The following FBXO4 variants were observed in gnomAD, a reference collection of about 807,000 sequenced individuals.
FBXO4 encodes the protein F-box protein 4, also known as F-box only protein 4.
In FBXO4, 36 loss-of-function variants were observed where a neutral mutation model predicts 43.7. The ratio of observed to expected loss-of-function variants is 0.82; its 90% CI spans 0.63 to 1.09. The LOEUF (loss-of-function observed/expected upper bound fraction) is 1.09, where lower values mean the gene tolerates loss of function less well. Ranked by LOEUF, FBXO4 falls within the 50% of genes least tolerant of loss-of-function variation. FBXO4 has a pLI of 0.00. For missense variants in FBXO4, 435 were observed against 474.1 expected (o/e 0.92, Z 0.77); for synonymous variants, 180 against 165.6 (o/e 1.09, Z -0.67).
At chr5:42,034,033 T>C in the FBXO4 span, among the ~76,000 whole-genome samples, 1 of 152,136 alleles carries the variant, frequency 6.6e-6, no homozygotes, top group Non-Finnish European at 1.5e-5. Context: ...TCTATTGTTT[T>C]TGACTTTTTA....
At chr5:41,973,127 A>G in the FBXO4 span, among the ~76,000 whole-genome samples, 1 of 152,314 alleles carries the variant, frequency 6.6e-6, no homozygotes, top group Non-Finnish European at 1.5e-5. Context: ...TCAGCAAAGT[A>G]AACAGACAAC....
the FBXO4 span, among the ~76,000 whole-genome samples, chr5:41,997,471 C>T: frequency 1.3e-5 from 2 of 152,156 alleles, no homozygotes; most frequent in Admixed American, 1.3e-4. Flanking sequence ...CCTTTCCCAC[C>T]ATAATAGCCC....
the FBXO4 span, among the ~76,000 whole-genome samples, chr5:41,973,446 G>T: frequency 6.6e-6 from 1 of 152,164 alleles, no homozygotes; most frequent in African/African-American, 2.4e-5. Flanking sequence ...GAATGGTGAG[G>T]CGAGAGGATT....
At chr5:41,929,612 G>C in intron 2 of FBXO4, 85 bp from the exon 3 acceptor site, 8 of 949,082 alleles carry the variant, frequency 8.4e-6, no homozygotes. Context: ...ATTGTGTCTA[G>C]CAAGTACTCA....
At chr5:42,015,308 G>A in the FBXO4 span, among the ~76,000 whole-genome samples, 8 of 152,180 alleles carry the variant, frequency 5.3e-5, no homozygotes, top group South Asian at 2.1e-4. Context: ...ACGCACATGC[G>A]CTTCAAACTG....
intron 5 of FBXO4, chr5:41,935,180 A>G (rs1056103479): frequency 2.0e-6 from 2 of 975,678 alleles, no homozygotes; most frequent in Admixed American, 1.2e-4. Flanking sequence ...CCCTACTTTT[A>G]TCTAGTTTTC....
the FBXO4 span, among the ~76,000 whole-genome samples, chr5:41,985,757 C>T: frequency 1.3e-5 from 2 of 152,078 alleles, no homozygotes; most frequent in African/African-American, 4.8e-5. Flanking sequence ...TGAAAACTAA[C>T]CCAGCTCATT....
downstream of FBXO4, among the ~76,000 whole-genome samples, chr5:41,945,211 G>C (rs940182402): frequency 6.6e-6 from 1 of 152,094 alleles, no homozygotes; most frequent in African/African-American, 2.4e-5. Flanking sequence ...ACTATGTAAA[G>C]GAATACTATG....
At chr5:41,955,791 G>A in the FBXO4 span, among the ~76,000 whole-genome samples, 2 of 152,084 alleles carry the variant, frequency 1.3e-5, no homozygotes, top group Non-Finnish European at 2.9e-5. Context: ...AGAACCACCA[G>A]AAAGAATGAA....
chr5:41,957,428 G>A, the FBXO4 span, among the ~76,000 whole-genome samples: 9 of 146,854 alleles, frequency 6.1e-5, 1 homozygote, highest in Admixed American at 5.4e-4. Context: ...TATATAATAC[G>A]ATTTCTATAA....
the FBXO4 span, among the ~76,000 whole-genome samples, chr5:41,996,919 G>T: frequency 1.3e-5 from 2 of 152,182 alleles, no homozygotes; most frequent in Non-Finnish European, 2.9e-5. Flanking sequence ...GCTACTTCTT[G>T]CTCACTGGAT....
intron 1 of FBXO4, among the ~76,000 whole-genome samples, chr5:41,926,369 C>T (rs1371100922): frequency 2.6e-5 from 4 of 152,122 alleles, no homozygotes; most frequent in Non-Finnish European, 5.9e-5. Context: ...GTCAGGAGAT[C>T]AAGACCATCC....
the FBXO4 span, among the ~76,000 whole-genome samples, chr5:42,038,634 T>G: frequency 6.6e-6 from 1 of 152,106 alleles, no homozygotes; most frequent in Non-Finnish European, 1.5e-5. Flanking sequence ...ATTCTACACT[T>G]TTAGTTATTT....
At position 41,939,316 on chromosome 5, in the gene FBXO4, T is replaced by C. The variant is rs1000267303; in HGVS notation, c.899-125T>C. The C allele has an allele frequency of 2.1e-5, 17 of 803,318 alleles. No individual in the cohort carries two copies. The African/African-American group carries it at 2.6e-4, about 12-fold the overall frequency. 49.8% of individuals were successfully genotyped at this position (803,318 alleles called of 1,614,324 possible). ...GACATCTGAAGAGTACTGTGATTTT[T>C]TTCCCTCAGTTTATGTTTGGATCCT... On this transcript the variant is annotated intron_variant, in intron 5 of 6. Transcript: ENST00000281623.
chr5:42,028,879 A>G, the FBXO4 span, among the ~76,000 whole-genome samples: 2 of 151,280 alleles, frequency 1.3e-5, no homozygotes, highest in Admixed American at 6.6e-5. Flanking sequence ...TTTAATTTTT[A>G]TCTTATTGTA....
At chr5:42,034,201 T>C in the FBXO4 span, among the ~76,000 whole-genome samples, 1 of 152,198 alleles carries the variant, frequency 6.6e-6, no homozygotes, top group Non-Finnish European at 1.5e-5. Context: ...GCCTGCTTTG[T>C]GATGGGTTTG....
the FBXO4 span, among the ~76,000 whole-genome samples, chr5:41,985,115 A>C: frequency 1.3e-5 from 2 of 152,244 alleles, no homozygotes; most frequent in African/African-American, 4.8e-5. Flanking sequence ...CTTTTTTCCA[A>C]GCTCTTCTCC....
chr5:41,977,342 CAG>C, the FBXO4 span, among the ~76,000 whole-genome samples: 1 of 152,142 alleles, frequency 6.6e-6, no homozygotes, highest in Non-Finnish European at 1.5e-5. Flanking sequence ...GCAAATTTTC[CAG>C]AGTTTTACAC....
At chr5:42,038,020 A>T in the FBXO4 span, among the ~76,000 whole-genome samples, 1 of 152,006 alleles carries the variant, frequency 6.6e-6, no homozygotes, top group Non-Finnish European at 1.5e-5. Context: ...AGCATGGGCA[A>T]CCCTTTCAGA....
Sources: allele counts gnomAD v4.1 joint callset (sites outside exome capture counted in the v4.1 genomes callset), GRCh38; gene constraint gnomAD v4.1.1; transcripts MANE v1.5; gene names NCBI Gene and HGNC (gene_info 2026-07-23, HGNC 2026-07-21).